The following ANK2 variants were observed in gnomAD, a reference collection of about 807,000 sequenced individuals.
ANK2 encodes the protein ankyrin 2.
In ANK2, 83 loss-of-function variants were observed where a neutral mutation model predicts 360.5. That is an observed-to-expected ratio of 0.23 (90% confidence interval 0.19 to 0.28). The LOEUF (loss-of-function observed/expected upper bound fraction) is 0.28. Among genes scored for constraint, ANK2 ranks in the 10% least tolerant of loss-of-function variants. The pLI, the probability that ANK2 is intolerant of heterozygous loss-of-function variation, is 1.00. For missense variants in ANK2, 4,201 were observed against 4,795.7 expected (o/e 0.88, Z 3.66); for synonymous variants, 1,740 against 1,759.5 (o/e 0.99, Z 0.28).
rs558773646 is a variant in ANK2, at chr4:113,162,628, A to G, written c.85-11788A>G. 2.0e-5 allele frequency among the ~76,000 whole-genome samples: 3 copies of G among 152,300 alleles called. No homozygotes were observed. The South Asian group carries it at 6.2e-4, about 32-fold the overall frequency. ...AATGTAAATAGTAAAACAAGTTTGT[A>G]AAACAAACAAACAAACACCTATTGC... is the stretch of plus-strand genomic sequence containing the variant. On this transcript the variant is annotated intron_variant, in intron 1 of 45. Transcript: ENST00000357077.
At chr4:112,770,245 C>T in the ANK2 span, among the ~76,000 whole-genome samples, 1 of 152,202 alleles carries the variant, frequency 6.6e-6, no homozygotes. Flanking sequence ...TCTCCCTTCT[C>T]AGGCAGCCCT....
At chr4:112,771,384 C>T in the ANK2 span, among the ~76,000 whole-genome samples, 1 of 152,264 alleles carries the variant, frequency 6.6e-6, no homozygotes, top group East Asian at 1.9e-4. Flanking sequence ...TCCTAAAGTG[C>T]TGGGATTACA....
intron 2 of ANK2, among the ~76,000 whole-genome samples, chr4:113,007,455 G>T (rs1031726266): frequency 4.6e-5 from 7 of 152,102 alleles, no homozygotes; most frequent in Admixed American, 6.5e-5. Flanking sequence ...ACCCAAATAC[G>T]ATGTTCTTAG....
chr4:113,216,313 G>A (rs933106088), intron 4 of ANK2, among the ~76,000 whole-genome samples: 6 of 152,162 alleles, frequency 3.9e-5, no homozygotes, highest in Middle Eastern at 3.2e-3. Context: ...ACACTTTCTC[G>A]AAGCCTATGC....
upstream of ANK2, among the ~76,000 whole-genome samples, chr4:112,813,463 C>T (rs962146802): frequency 7.2e-5 from 11 of 151,826 alleles, no homozygotes; most frequent in African/African-American, 1.5e-4. Flanking sequence ...GACAGAATGC[C>T]GATGAATAGT....
At chr4:112,889,922 T>G (rs545725272) in intron 1 of ANK2, among the ~76,000 whole-genome samples, 42 of 152,380 alleles carry the variant, frequency 2.8e-4, no homozygotes, top group Non-Finnish European at 3.2e-4. Context: ...TGATGTTTTC[T>G]TTGTTGAGTG....
chr4:112,737,958 G>A, the ANK2 span, among the ~76,000 whole-genome samples: 39 of 152,116 alleles, frequency 2.6e-4, no homozygotes, highest in Non-Finnish European at 4.6e-4. Flanking sequence ...TTGGTTCATC[G>A]GGGTACATCG....
intron 1 of ANK2, among the ~76,000 whole-genome samples, chr4:112,902,647 G>T (rs544125635): frequency 6.6e-6 from 1 of 152,270 alleles, no homozygotes; most frequent in African/African-American, 2.4e-5. Context: ...AGAGAGGATT[G>T]TTCACCACAT....
intron 2 of ANK2, among the ~76,000 whole-genome samples, chr4:113,003,580 G>A (rs1356204925): frequency 6.6e-6 from 1 of 152,152 alleles, no homozygotes; most frequent in African/African-American, 2.4e-5. Flanking sequence ...GAAATAAACT[G>A]GATACATATG....
rs1344461358 is a variant in ANK2, at chr4:113,353,224, G to A, written c.4606G>A (p.Glu1536Lys). 6 of 1,614,008 alleles carry A rather than the reference G, an allele frequency of 3.7e-6. No individual in the cohort carries two copies. In the South Asian group the frequency reaches 6.6e-5, roughly 18 times the overall value. The change falls in exon 38 of 46, where the codon GAG becomes AAG. Residue 1536 changes from glutamate (E) to lysine (K), a missense_variant. Physicochemically the swap from Glu to Lys is moderately conservative, Grantham distance 56 (BLOSUM62 1). This residue lies in a region of ANK2 where 1,268 missense variants were observed against 1,650.8 expected (regional missense o/e 0.77). Coordinates refer to ENST00000357077, the MANE Select transcript of ANK2 (RefSeq NM_001148.6). ...SDKAGSIKVK[E>K]LVKAAEEEPG... ...TAAGGCAGGTTCTATTAAAGTGAAG[G>A]AGCTGGTGAAGGCTGCTGAGGAAGA...
chr4:113,004,990 C>A (rs1224882180), intron 2 of ANK2, among the ~76,000 whole-genome samples: 1 of 152,058 alleles, frequency 6.6e-6, no homozygotes, highest in Non-Finnish European at 1.5e-5. Context: ...TGAGTAAATG[C>A]TTTTTAACTA....
chr4:113,197,451 A>G (rs1051229677), intron 3 of ANK2, among the ~76,000 whole-genome samples: 1 of 152,224 alleles, frequency 6.6e-6, no homozygotes, highest in Non-Finnish European at 1.5e-5. Flanking sequence ...TATTTGGAAA[A>G]ATACAGTGCT....
the ANK2 span, among the ~76,000 whole-genome samples, chr4:112,741,099 G>A: frequency 1.3e-5 from 2 of 151,952 alleles, no homozygotes; most frequent in South Asian, 4.2e-4. Flanking sequence ...CAAAGTGCTG[G>A]GATTACTGGT....
At chr4:113,288,615 G>T in intron 20 of ANK2, 129 bp downstream of exon 20, 1 of 779,002 alleles carries the variant, frequency 1.3e-6, no homozygotes. Flanking sequence ...ATTTTGACGA[G>T]GTGATGTAGT....
Position 113,336,706 on chromosome 4 carries a change from A to G in ANK2, c.3721A>G (p.Lys1241Glu), listed in dbSNP as rs746276204. The change falls in exon 31 of 46, where the codon AAA (lysine) becomes GAA (glutamate). Residue 1241 changes from lysine (K) to glutamate (E), a missense_variant. This residue lies in a region of ANK2 where 1,268 missense variants were observed against 1,650.8 expected (regional missense o/e 0.77). Coordinates refer to ENST00000357077, the MANE Select transcript of ANK2 (RefSeq NM_001148.6). ...KPITMTIPVP[K>E]ASSDVMLNGF... ...AATTACCATGACCATTCCTGTCCCC[A>G]AAGCTTCAAGTGATGTCATGTTGAA... The G allele has an allele frequency of 1.9e-6, 3 of 1,614,036 alleles. No individual in the cohort carries two copies. The highest frequency in any genetic ancestry group is 2.5e-6 in the Non-Finnish European group (3 of 1,180,032).
chr4:113,235,569 C>G (rs933102188), intron 5 of ANK2, among the ~76,000 whole-genome samples: 19 of 152,048 alleles, frequency 1.2e-4, no homozygotes, highest in African/African-American at 3.1e-4. Context: ...GCTGGGATTA[C>G]AGGTGCACGC....
At chr4:113,361,582 A>G (rs1371812493) in intron 39 of ANK2, among the ~76,000 whole-genome samples, 2 of 151,692 alleles carry the variant, frequency 1.3e-5, no homozygotes, top group African/African-American at 4.8e-5. Context: ...CAAAGAGACA[A>G]ACATTGTAAA....
chr4:112,961,543 T>A (rs985737324), intron 2 of ANK2, among the ~76,000 whole-genome samples: 2 of 152,164 alleles, frequency 1.3e-5, no homozygotes, highest in Admixed American at 6.5e-5. Context: ...GATTAAAATA[T>A]ACTACAGACC....
At chr4:112,846,425 T>C (rs2063321964) in intron 1 of ANK2, among the ~76,000 whole-genome samples, 1 of 152,184 alleles carries the variant, frequency 6.6e-6, no homozygotes, top group Non-Finnish European at 1.5e-5. Context: ...CTATTAACTT[T>C]TAATAGGCCA....
Sources: allele counts gnomAD v4.1 joint callset (sites outside exome capture counted in the v4.1 genomes callset), GRCh38; gene constraint gnomAD v4.1.1; regional missense constraint gnomAD v4.1.1; transcripts MANE v1.5; gene names NCBI Gene and HGNC (gene_info 2026-07-23, HGNC 2026-07-21).